Variants in SEC22C observed in about 807,000 individuals in gnomAD.
The protein encoded by SEC22C is vesicle-trafficking protein SEC22c.
A neutral mutation model predicts 34.7 loss-of-function variants in SEC22C; 29 were observed. The ratio of observed to expected loss-of-function variants is 0.84; its 90% CI spans 0.62 to 1.14. SEC22C has a LOEUF of 1.14. SEC22C is among the 50% of genes most tolerant of loss of function. The probability of loss-of-function intolerance (pLI) is 0.00; values close to 1 mark genes in which losing one functional copy is unlikely to be tolerated. For missense variants in SEC22C, 337 were observed against 369.0 expected, an observed-to-expected ratio of 0.91 and a Z score of 0.71; for synonymous variants, 117 against 132.8, an observed-to-expected ratio of 0.88 and a Z score of 0.82.
intron 2 of SEC22C, chr3:42,566,678 C>CA (rs71072721): frequency 0.29 from 37,091 of 129,706 alleles, 4,750 homozygotes; most frequent in East Asian, 0.48. Flanking sequence ...GACTCCGTCT[C>CA]AAAAAAAAAA....
chr3:42,571,332 T>C (rs1006254042), intron 1 of SEC22C, among the ~76,000 whole-genome samples: 1 of 152,212 alleles, frequency 6.6e-6, no homozygotes, highest in African/African-American at 2.4e-5. Flanking sequence ...CCCTCTTGTT[T>C]TTCAGTTCTA....
chr3:42,549,956 G>A lies in SEC22C; in HGVS notation c.*3292C>T. 1 of 985,418 alleles carries A rather than the reference G, an allele frequency of 1.0e-6. No homozygotes were observed. The highest frequency in any genetic ancestry group is 1.2e-6 in the Non-Finnish European group (1 of 829,912). The allele number at this position is 985,418 out of a possible 1,614,324, so 61.0% of individuals were successfully genotyped here. ...GGGGCCTCTGGTACTGAGAGGGAAT[G>A]CCACCCGAATATGCCCCAGCTGTCT... On this transcript the variant is annotated 3_prime_UTR_variant, in exon 7 of 7. Coordinates refer to ENST00000264454, the MANE Select transcript of SEC22C (RefSeq NM_032970.4).
intron 4 of SEC22C, among the ~76,000 whole-genome samples, chr3:42,558,170 T>C (rs74715673): frequency 0.037 from 5,577 of 152,154 alleles, 167 homozygotes; most frequent in East Asian, 0.12. Context: ...TGCAAAAATG[T>C]CAATAGGGAT....
At chr3:42,580,585 G>C (rs1034882071) in intron 1 of SEC22C, 1 of 152,160 alleles carries the variant, frequency 6.6e-6, no homozygotes, top group Admixed American at 6.5e-5. Context: ...AACTAAACTT[G>C]ATAGGACCTT....
At chr3:42,580,220 TGAGA>T (rs145747771) in intron 1 of SEC22C, among the ~76,000 whole-genome samples, 5 of 150,514 alleles carry the variant, frequency 3.3e-5, no homozygotes, top group Admixed American at 6.6e-5. Flanking sequence ...CCACATGCAC[TGAGA>T]GAGAGAGAGG....
At chr3:42,591,355 C>T in intron 1 of SEC22C, 1 of 606,770 alleles carries the variant, frequency 1.6e-6, no homozygotes, top group Non-Finnish European at 2.9e-6. Context: ...CGCGACGCCA[C>T]TCCCGGCTAA....
chr3:42,591,059 C>T, intron 1 of SEC22C: 2 of 1,376,998 alleles, frequency 1.5e-6, no homozygotes, highest in Non-Finnish European at 2.0e-6. Flanking sequence ...TGAGCGGCCT[C>T]CCAGCTGACT....
chr3:42,552,281 G>A lies in SEC22C; in HGVS notation c.*967C>T, dbSNP rs551759606. ...CAGAGGAGTAATTAATTTTGGAGGCGCTCTGGGAACAGGTACACAGGGTAC... is the reference window on the plus strand; with the variant it reads ...CAGAGGAGTAATTAATTTTGGAGGCACTCTGGGAACAGGTACACAGGGTAC... On this transcript the variant is annotated 3_prime_UTR_variant, in exon 7 of 7. Coordinates refer to ENST00000264454, the MANE Select transcript of SEC22C (RefSeq NM_032970.4). The A allele has an allele frequency of 1.5e-3, 1,459 of 985,372 alleles. 2 individuals are homozygous for A. The highest frequency in any genetic ancestry group is 1.7e-3 in the Non-Finnish European group (1,385 of 829,910). 61.0% of individuals were successfully genotyped at this position (985,372 alleles called of 1,614,324 possible).
chr3:42,566,150 G>C (rs999343714), intron 2 of SEC22C, among the ~76,000 whole-genome samples: 2 of 152,166 alleles, frequency 1.3e-5, no homozygotes, highest in Admixed American at 6.5e-5. Flanking sequence ...TCCAGAGAAA[G>C]GGGCTGCACA....
Position 42,548,964 on chromosome 3 carries a change from G to A in SEC22C, c.*4284C>T, listed in dbSNP as rs574003101. ...ATAACAGCACCCTGGCGGGGGGGCAGATTGATGTTATCACCATTTACCAGA... is the reference window on the plus strand; with the variant it reads ...ATAACAGCACCCTGGCGGGGGGGCAAATTGATGTTATCACCATTTACCAGA... On this transcript the variant is annotated 3_prime_UTR_variant, in exon 7 of 7. Coordinates refer to ENST00000264454, the MANE Select transcript of SEC22C (RefSeq NM_032970.4). 2.6e-6 allele frequency: 3 copies of A among 1,148,484 alleles called. No individual in the cohort carries two copies. In the African/African-American group the frequency reaches 4.7e-5, roughly 18 times the overall value. The allele number at this position is 1,148,484 out of a possible 1,614,324, so 71.1% of individuals were successfully genotyped here.
chr3:42,591,040 A>G (rs1704813535), intron 1 of SEC22C: 45 of 1,486,610 alleles, frequency 3.0e-5, no homozygotes, highest in Non-Finnish European at 4.1e-5. Context: ...TGCGAGAAGC[A>G]TCCTGTAGTG....
At position 42,550,499 on chromosome 3, in the gene SEC22C, T is replaced by C. The variant is rs539958588; in HGVS notation, c.*2749A>G. 6 of 985,454 alleles carry C rather than the reference T, an allele frequency of 6.1e-6. No individual in the cohort carries two copies. The African/African-American group carries it at 7.0e-5, about 11-fold the overall frequency. The allele number at this position is 985,454 out of a possible 1,614,324, so 61.0% of individuals were successfully genotyped here. A position where few individuals can be genotyped will look rare whatever the true frequency, so the allele number is the denominator to read the frequency against. ...ACCAGAACTTCTTTCCTATTTTCAG[T>C]CTCTTCCTTCAGTGAGCTGAGGATT... On this transcript the variant is annotated 3_prime_UTR_variant, in exon 7 of 7. Coordinates refer to ENST00000264454, the MANE Select transcript of SEC22C (RefSeq NM_032970.4).
chr3:42,553,814 C>T (rs1331901689), intron 6 of SEC22C, among the ~76,000 whole-genome samples: 3 of 152,134 alleles, frequency 2.0e-5, no homozygotes, highest in Admixed American at 1.3e-4. Flanking sequence ...GACTGACTGG[C>T]CCCCCAGTGA....
chr3:42,588,509 T>C (rs1304672615), intron 1 of SEC22C, among the ~76,000 whole-genome samples: 2 of 152,234 alleles, frequency 1.3e-5, no homozygotes, highest in Non-Finnish European at 2.9e-5. Flanking sequence ...ACAGGTAAGA[T>C]ACTTAATACC....
intron 1 of SEC22C, among the ~76,000 whole-genome samples, chr3:42,597,253 C>A (rs1244337159): frequency 1.3e-5 from 2 of 152,130 alleles, no homozygotes; most frequent in African/African-American, 4.8e-5. Flanking sequence ...TTTGACTGTA[C>A]TTTAAAAAGG....
At chr3:42,591,626 CT>C (rs1482593202) in intron 1 of SEC22C, 2 of 1,561,844 alleles carry the variant, frequency 1.3e-6, no homozygotes, top group Non-Finnish European at 1.8e-6. Context: ...CCCCGCGCCC[CT>C]GACCTGTGGG....
At chr3:42,577,787 C>T (rs181236208) in intron 1 of SEC22C, among the ~76,000 whole-genome samples, 2 of 151,962 alleles carry the variant, frequency 1.3e-5, no homozygotes, top group Non-Finnish European at 2.9e-5. Flanking sequence ...CTGGCCAACA[C>T]GGTGAAACCC....
intron 1 of SEC22C, among the ~76,000 whole-genome samples, chr3:42,576,497 C>T (rs1355952798): frequency 6.6e-6 from 1 of 151,754 alleles, no homozygotes; most frequent in Non-Finnish European, 1.5e-5. Context: ...ATTTAAATAC[C>T]ATTTATAATC....
At chr3:42,591,369 T>C (rs1028624855) in intron 1 of SEC22C, 2 of 615,582 alleles carry the variant, frequency 3.2e-6, no homozygotes, top group African/African-American at 3.7e-5. Flanking sequence ...CGGCTAATTT[T>C]TGTATTTTTA....
Sources: allele counts gnomAD v4.1 joint callset (sites outside exome capture counted in the v4.1 genomes callset), GRCh38; gene constraint gnomAD v4.1.1; transcripts MANE v1.5; gene names NCBI Gene and HGNC (gene_info 2026-07-23, HGNC 2026-07-21).